ZSCAN5A: variants seen among roughly 807,000 people sequenced by gnomAD.
ZSCAN5A encodes the protein zinc finger and SCAN domain-containing protein 5A.
In ZSCAN5A, 12 loss-of-function variants were observed where a neutral mutation model predicts 23.7. The observed-to-expected ratio is 0.51, with a 90% CI of 0.32 to 0.82. The LOEUF is 0.82. Among genes scored for constraint, ZSCAN5A ranks in the 40% least tolerant of loss-of-function variants. The pLI is 0.03. For synonymous variants in ZSCAN5A, 257 were observed against 239.9 expected, an observed-to-expected ratio of 1.07 and a Z score of -0.66; for missense variants, 597 against 617.9, an observed-to-expected ratio of 0.97 and a Z score of 0.36.
At position 56,226,669 on chromosome 19, in the gene ZSCAN5A, T is replaced by G. The variant is rs147333231; in HGVS notation, c.-127-1496A>C. 3.3e-5 allele frequency among the ~76,000 whole-genome samples: 5 copies of G among 152,080 alleles called. No individual in the cohort carries two copies. In the East Asian group the frequency reaches 9.7e-4, roughly 30 times the overall value. On this transcript the variant is annotated intron_variant, in intron 2 of 5. Coordinates refer to ENST00000683990, the MANE Select transcript of ZSCAN5A (RefSeq NM_001322064.3). The stretch of plus-strand genomic sequence containing the variant: ...GACAGTATAGAAGCTCCTCAGAAAA[T>G]TGAAAGTCCAACAACTGCATGATCC...
chr19:56,246,047 C>T lies in ZSCAN5A; in HGVS notation c.-127-20874G>A, dbSNP rs182467127. 4.9e-4 allele frequency among the ~76,000 whole-genome samples: 75 copies of T among 152,034 alleles called. No homozygotes were observed. The Middle Eastern group carries it at 0.017, about 34-fold the overall frequency. On this transcript the variant is annotated intron_variant, in intron 2 of 5. Transcript: ENST00000683990. ...CAGGGGCAGGGAGACGTTGGCACAG[C>T]GGGGAGAAATATGCTCAGAGAACCA...
chr19:56,263,566 C>T (rs1377225863), intron 2 of ZSCAN5A: 1 of 152,168 alleles, frequency 6.6e-6, no homozygotes, highest in African/African-American at 2.4e-5. Context: ...AGTGCCTTAA[C>T]CCAGAAAAAC....
intron 2 of ZSCAN5A, chr19:56,246,765 C>T: frequency 1.3e-6 from 2 of 1,589,934 alleles, no homozygotes; most frequent in Non-Finnish European, 1.7e-6. Flanking sequence ...GGAAGGAACC[C>T]AAAAAAAGAG....
intron 2 of ZSCAN5A, among the ~76,000 whole-genome samples, chr19:56,346,551 C>A (rs1187918081): frequency 6.6e-6 from 1 of 151,584 alleles, no homozygotes; most frequent in African/African-American, 2.4e-5. Context: ...AAAAAAGAAC[C>A]CACAAAAACC....
intron 2 of ZSCAN5A, among the ~76,000 whole-genome samples, chr19:56,326,099 A>AT (rs532740500): frequency 1.6e-3 from 237 of 146,078 alleles, no homozygotes; most frequent in Admixed American, 4.5e-3. Flanking sequence ...CGCCCAGCTA[A>AT]TTTTTTTTTT....
chr19:56,320,504 C>T (rs549657115), intron 2 of ZSCAN5A: 11 of 398,488 alleles, frequency 2.8e-5, no homozygotes, highest in East Asian at 1.1e-4. Flanking sequence ...TCCAGGTACT[C>T]GGGAGGATGA....
At chr19:56,246,950 G>T in intron 2 of ZSCAN5A, 1 of 1,536,238 alleles carries the variant, frequency 6.5e-7, no homozygotes, top group Non-Finnish European at 9.0e-7. Flanking sequence ...ACACCTGTGG[G>T]CAACAGCGAA....
intron 2 of ZSCAN5A, among the ~76,000 whole-genome samples, chr19:56,341,768 T>G (rs1034794851): frequency 7.5e-6 from 1 of 132,806 alleles, no homozygotes; most frequent in Non-Finnish European, 1.6e-5. Flanking sequence ...AAAGGAAACA[T>G]TTCCTTTAGA....
chr19:56,224,487 C>A, intron 3 of ZSCAN5A, 176 bp downstream of exon 3: 2 of 737,348 alleles, frequency 2.7e-6, no homozygotes, highest in Non-Finnish European at 4.1e-6. Context: ...GTCTCCTGTC[C>A]TCCCTGACAA....
intron 2 of ZSCAN5A, among the ~76,000 whole-genome samples, chr19:56,231,991 C>CCTTTCTTTTTT (rs2034505641): frequency 2.9e-5 from 1 of 34,340 alleles, no homozygotes; most frequent in Non-Finnish European, 6.1e-5. Flanking sequence ...TTCTTTTTTT[C>CCTTTCTTTTTT]TTTTCTTTTT....
In ZSCAN5A at chr19:56,227,068, T is replaced by G. The variant is rs1397037924; in HGVS notation, c.-127-1895A>C. ...ATAGGTCAAAGAGTACAAATTTCAA[T>G]TGAAGAAATCAATTCAAAAGAGCAA... On this transcript the variant is annotated intron_variant, in intron 2 of 5. Transcript: ENST00000683990. 2.0e-5 allele frequency among the ~76,000 whole-genome samples: 3 copies of G among 152,286 alleles called. No individual in the cohort carries two copies. The East Asian group carries it at 5.8e-4, about 29-fold the overall frequency.
intron 5 of ZSCAN5A, 29 bp downstream of exon 5, chr19:56,222,562 C>G: frequency 6.2e-7 from 1 of 1,612,284 alleles, no homozygotes; most frequent in South Asian, 1.1e-5. Context: ...GAGGGACTAA[C>G]CCCTGTGGAT....
At chr19:56,239,892 G>A (rs936675927) in intron 2 of ZSCAN5A, among the ~76,000 whole-genome samples, 2 of 152,146 alleles carry the variant, frequency 1.3e-5, no homozygotes, top group Non-Finnish European at 2.9e-5. Flanking sequence ...GGCCAGGTGT[G>A]GTGGCTCACG....
At chr19:56,250,130 G>C (rs376886438) in intron 2 of ZSCAN5A, among the ~76,000 whole-genome samples, 2 of 152,220 alleles carry the variant, frequency 1.3e-5, no homozygotes, top group African/African-American at 4.8e-5. Context: ...GAAAGGTAAG[G>C]GCAGAATAGA....
At position 56,222,097 on chromosome 19, in the gene ZSCAN5A, T is replaced by G; in HGVS notation, c.969A>C (p.Glu323Asp). ...AATTCATCCCAGCTTGTCCCGGGGA[T>G]TCTCTGTTGCCCACAGGTGTGGCTT... is the stretch of plus-strand genomic sequence containing the variant. ...QGEATPVGNRESPGQAGMNSI... is the reference protein window; with the variant it reads ...QGEATPVGNRDSPGQAGMNSI... Residue 323 changes from glutamate to aspartate, a missense_variant, in exon 6 of 6, where the codon GAA (glutamate) becomes GAC (aspartate). Glu to Asp is a conservative substitution (Grantham distance 45, BLOSUM62 2). Transcript: ENST00000683990. 6.2e-7 allele frequency: 1 copy of G among 1,614,152 alleles called. No homozygotes were observed. Among genetic ancestry groups the G allele is most frequent in the Non-Finnish European group, 8.5e-7 (1 of 1,180,036 alleles).
chr19:56,354,355 G>C (rs763009742), intron 2 of ZSCAN5A: 2 of 152,102 alleles, frequency 1.3e-5, no homozygotes, highest in African/African-American at 2.4e-5. Context: ...TGACAAAACA[G>C]GGTAAAGATG....
At chr19:56,243,897 C>T (rs927280913) in intron 2 of ZSCAN5A, 21 of 497,070 alleles carry the variant, frequency 4.2e-5, no homozygotes, top group South Asian at 1.3e-4. Flanking sequence ...AAACTTTGAT[C>T]GGGCTCATGT....
At chr19:56,228,737 G>T (rs376642809) in intron 2 of ZSCAN5A, among the ~76,000 whole-genome samples, 2 of 152,204 alleles carry the variant, frequency 1.3e-5, no homozygotes, top group South Asian at 2.1e-4. Flanking sequence ...GATACATAAT[G>T]AATATTGGTG....
chr19:56,316,569 C>A (rs6509991), upstream of ZSCAN5A: 107,747 of 158,150 alleles, frequency 0.68, 38,756 homozygotes, highest in African/African-American at 0.9. Flanking sequence ...AAAGAGTAGA[C>A]CAAGGAATTT....
Sources: gnomAD v4.1 joint callset for allele counts (sites outside exome capture counted in the v4.1 genomes callset) on GRCh38, gnomAD v4.1.1 for gene constraint, MANE v1.5 for transcripts, NCBI Gene and HGNC (gene_info 2026-07-23, HGNC 2026-07-21) for gene names.